Variants in TMEM242 observed in about 807,000 individuals in gnomAD.
TMEM242 encodes UPF0463 transmembrane protein C6orf35.
In TMEM242, 10 loss-of-function variants were observed where a neutral mutation model predicts 18.2. The ratio of observed to expected loss-of-function variants is 0.55; its 90% CI spans 0.34 to 0.93. TMEM242 has a LOEUF of 0.93. Ranked by LOEUF, TMEM242 falls within the 40% of genes least tolerant of loss-of-function variation. The pLI is 0.02. For synonymous variants in TMEM242, 57 were observed against 69.9 expected, an observed-to-expected ratio of 0.81 and a Z score of 0.92; for missense variants, 186 against 175.5, an observed-to-expected ratio of 1.06 and a Z score of -0.34.
At position 157,318,896 on chromosome 6, in the gene TMEM242, T is replaced by A; in HGVS notation, c.213A>T (p.Leu71Phe). ...FNKGSMATAALPESGSSLALR... is the reference protein window; with the variant it reads ...FNKGSMATAAFPESGSSLALR... The stretch of plus-strand genomic sequence containing the variant: ...AGGCAAGGGAAGACCCGCTTTCCGG[T>A]AATGCAGCCGTGGCCATACTTCCCT... The change falls in exon 3 of 4, where the codon TTA becomes TTT. Residue 71 changes from leucine (L) to phenylalanine (F), a missense_variant. Leu to Phe is a conservative substitution (Grantham distance 22, BLOSUM62 0). Transcript: ENST00000400788. The A allele has an allele frequency of 6.2e-7, 1 of 1,609,946 alleles. No homozygotes were observed. The highest frequency in any genetic ancestry group is 8.5e-7 in the Non-Finnish European group (1 of 1,178,644).
chr6:157,318,675 A>G (rs1408939411), intron 3 of TMEM242, 107 bp downstream of exon 3: 2 of 1,374,986 alleles, frequency 1.5e-6, no homozygotes, highest in Non-Finnish European at 1.0e-6. Flanking sequence ...TCATCTCCCT[A>G]GACAGTGACC....
intron 3 of TMEM242, among the ~76,000 whole-genome samples, chr6:157,312,405 T>A (rs1778183068): frequency 1.4e-5 from 2 of 146,306 alleles, no homozygotes; most frequent in Admixed American, 1.4e-4. Flanking sequence ...CAGTATCCAC[T>A]CACCTAGCCT....
rs1356578443 is a variant in TMEM242, at chr6:157,291,185, G to A, written c.*1716C>T. On this transcript the variant is annotated 3_prime_UTR_variant, in exon 4 of 4. Transcript: ENST00000400788. ...CTCCTTTTAACACTCCAGACAGGTGGGCAAGTCTCCTTTCTCCACCCAGTG... is the reference window on the plus strand; with the variant it reads ...CTCCTTTTAACACTCCAGACAGGTGAGCAAGTCTCCTTTCTCCACCCAGTG... 6.6e-6 allele frequency: 1 copy of A among 152,220 alleles called. No individual in the cohort carries two copies. Among genetic ancestry groups the A allele is most frequent in the East Asian group, 1.9e-4 (1 of 5,198 alleles). 9.4% of individuals were successfully genotyped at this position (152,220 alleles called of 1,614,324 possible).
chr6:157,296,402 A>T (rs983073010), intron 3 of TMEM242, among the ~76,000 whole-genome samples: 1 of 152,162 alleles, frequency 6.6e-6, no homozygotes, highest in Admixed American at 6.5e-5. Flanking sequence ...AAACTAAGAC[A>T]TGAGTGGAGT....
At chr6:157,320,505 C>T (rs1256402351) in intron 2 of TMEM242, among the ~76,000 whole-genome samples, 7 of 152,188 alleles carry the variant, frequency 4.6e-5, no homozygotes, top group African/African-American at 1.4e-4. Flanking sequence ...GAGTCTCGCT[C>T]TGTCACCCAG....
intron 3 of TMEM242, among the ~76,000 whole-genome samples, chr6:157,304,417 AT>A (rs1409011062): frequency 2.2e-5 from 3 of 134,646 alleles, no homozygotes; most frequent in Non-Finnish European, 4.7e-5. Context: ...GTGAGCCAAG[AT>A]TGTGCCACTG....
chr6:157,292,469 AG>A lies in TMEM242; in HGVS notation c.*431del, dbSNP rs1441312184. The A allele has an allele frequency of 1.3e-5, 2 of 153,596 alleles. No homozygotes were observed. Among genetic ancestry groups the A allele is most frequent in the African/African-American group, 4.8e-5 (2 of 41,478 alleles). The allele number at this position is 153,596 out of a possible 1,614,324, so 9.5% of individuals were successfully genotyped here. On this transcript the variant is annotated 3_prime_UTR_variant, in exon 4 of 4. Transcript: ENST00000400788. ...CTGGCTAATCAGAATAAGACTTCCA[AG>A]TTCTGTCATATATTGACAAGAAAGG...
Position 157,292,970 on chromosome 6 carries a change from T to C in TMEM242, c.357A>G (p.Ser119=), listed in dbSNP as rs587689610. 15 of 1,613,906 alleles carry C rather than the reference T, an allele frequency of 9.3e-6. No individual in the cohort carries two copies. Among genetic ancestry groups the C allele is most frequent in the Admixed American group, 1.7e-5 (1 of 60,030 alleles). Residue 119 remains serine (S), a synonymous_variant, in exon 4 of 4, where the codon TCA becomes TCG. Coordinates refer to ENST00000400788, the MANE Select transcript of TMEM242 (RefSeq NM_018452.6). The stretch of plus-strand genomic sequence containing the variant: ...AGTTCTTGGGAATTGTTGGAAATAT[T>C]GATTGCATTTTACTTCGAAAGTCGT... ...SMNDFRSKMQ[S]IFPTIPKNSE...
chr6:157,309,877 T>C (rs1777970605), intron 3 of TMEM242, among the ~76,000 whole-genome samples: 2 of 151,924 alleles, frequency 1.3e-5, no homozygotes, highest in Non-Finnish European at 2.9e-5. Flanking sequence ...CAGCTATAAA[T>C]TATCTGTAAA....
At chr6:157,299,621 A>G (rs1156685236) in intron 3 of TMEM242, 4 of 1,600,754 alleles carry the variant, frequency 2.5e-6, no homozygotes, top group East Asian at 2.2e-5. Context: ...CAGCTTGCAG[A>G]GGGGGCTGTA....
At chr6:157,294,931 C>T (rs9637948) in intron 3 of TMEM242, among the ~76,000 whole-genome samples, 4,373 of 152,192 alleles carry the variant, frequency 0.029, 97 homozygotes, top group East Asian at 0.15. Context: ...TAATTACCTG[C>T]TTAAAGAGTT....
intron 3 of TMEM242, among the ~76,000 whole-genome samples, chr6:157,312,385 CAT>C (rs1778180455): frequency 5.8e-4 from 86 of 147,450 alleles, no homozygotes; most frequent in African/African-American, 1.3e-3. Context: ...CTGCCCTCAT[CAT>C]AGTACCGCAG....
Position 157,302,229 on chromosome 6 carries a change from C to G in TMEM242, c.328-9230G>C, listed in dbSNP as rs1583558125. Among the ~76,000 whole-genome samples the G allele has an allele frequency of 2.0e-5, 3 of 152,218 alleles. No individual in the cohort carries two copies. In the East Asian group the frequency reaches 5.8e-4, roughly 29 times the overall value. ...AGGGTCATCTTTATTTAATGGTGGC[C>G]AATGTTTTAGAGGAATCCTTTAAAA... is the stretch of plus-strand genomic sequence containing the variant. On this transcript the variant is annotated intron_variant, in intron 3 of 3. Coordinates refer to ENST00000400788, the MANE Select transcript of TMEM242 (RefSeq NM_018452.6).
rs140368081 is a variant in TMEM242 at position 157,295,936 on chromosome 6, C to T, written c.328-2937G>A. Among the ~76,000 whole-genome samples, 988 of 152,278 alleles carry T rather than the reference C, an allele frequency of 6.5e-3. 2 individuals are homozygous for T. Among genetic ancestry groups the T allele is most frequent in the Non-Finnish European group, 0.011 (768 of 68,012 alleles). ...TCCACAGAAGGCTTTTCAGCTCATACTGTTCATATTACATGGACAGTAAAT... is the reference window on the plus strand; with the variant it reads ...TCCACAGAAGGCTTTTCAGCTCATATTGTTCATATTACATGGACAGTAAAT... On this transcript the variant is annotated intron_variant, in intron 3 of 3. Coordinates refer to ENST00000400788, the MANE Select transcript of TMEM242 (RefSeq NM_018452.6).
chr6:157,318,351 T>G (rs1778440339), intron 3 of TMEM242: 1 of 169,808 alleles, frequency 5.9e-6, no homozygotes, highest in Non-Finnish European at 1.3e-5. Context: ...TCCCTCAGCC[T>G]TCTGAGTAGC....
intron 3 of TMEM242, among the ~76,000 whole-genome samples, chr6:157,303,201 GA>G (rs1398897296): frequency 2.0e-5 from 3 of 152,178 alleles, no homozygotes; most frequent in African/African-American, 7.2e-5. Context: ...CTGGGCCCAC[GA>G]ATAGGGATTT....
At chr6:157,293,619 G>T (rs1247948464) in intron 3 of TMEM242, among the ~76,000 whole-genome samples, 1 of 151,612 alleles carries the variant, frequency 6.6e-6, no homozygotes, top group African/African-American at 2.4e-5. Context: ...TCAAGGAATG[G>T]TAGATAAACT....
chr6:157,302,933 C>T (rs1554247627), intron 3 of TMEM242, among the ~76,000 whole-genome samples: 1 of 152,216 alleles, frequency 6.6e-6, no homozygotes, highest in East Asian at 1.9e-4. Flanking sequence ...CTATTCCTTT[C>T]ACCTGGACTC....
At chr6:157,304,638 T>TA (rs1329014493) in intron 3 of TMEM242, among the ~76,000 whole-genome samples, 1 of 152,176 alleles carries the variant, frequency 6.6e-6, no homozygotes, top group Non-Finnish European at 1.5e-5. Context: ...AGGAGGTCTC[T>TA]ACCCTCAGAA....
Sources: gnomAD v4.1 joint callset for allele counts (sites outside exome capture counted in the v4.1 genomes callset) on GRCh38, gnomAD v4.1.1 for gene constraint, MANE v1.5 for transcripts, NCBI Gene and HGNC (gene_info 2026-07-23, HGNC 2026-07-21) for gene names.